TP63: variants seen among roughly 807,000 people sequenced by gnomAD.
The protein encoded by TP63 is tumor protein 63.
TP63 carries 17 observed loss-of-function variants against 82.8 expected under a neutral mutation model. The ratio of observed to expected loss-of-function variants is 0.21; its 90% CI spans 0.14 to 0.31. The LOEUF (loss-of-function observed/expected upper bound fraction) is 0.31. Among genes scored for constraint, TP63 ranks in the 10% least tolerant of loss-of-function variants. TP63 has a pLI of 1.00. For synonymous variants in TP63, 330 were observed against 321.7 expected, an observed-to-expected ratio of 1.03 and a Z score of -0.28; for missense variants, 648 against 895.3, an observed-to-expected ratio of 0.72 and a Z score of 3.52.
chr3:189,646,278 G>C lies in TP63; in HGVS notation c.62+14701G>C, dbSNP rs1560081783. On this transcript the variant is annotated intron_variant, in intron 1 of 13. Transcript: ENST00000264731. ...AAAACCTGACCATACAACTGACAAG[G>C]GGAGGGGTTGTCTTGTTAATTTTGG... Among the ~76,000 whole-genome samples the C allele has an allele frequency of 2.7e-5, 4 of 147,022 alleles. 2 individuals carry two copies.
intron 4 of TP63, among the ~76,000 whole-genome samples, chr3:189,820,479 T>C (rs1728688620): frequency 6.6e-6 from 1 of 152,234 alleles, no homozygotes; most frequent in African/African-American, 2.4e-5. Flanking sequence ...TAAGGTTTTA[T>C]AGACTCTTTT....
At chr3:189,844,657 G>GT (rs1168180162) in intron 4 of TP63, among the ~76,000 whole-genome samples, 1 of 152,138 alleles carries the variant, frequency 6.6e-6, no homozygotes, top group African/African-American at 2.4e-5. Context: ...TTTCAAGTGA[G>GT]TTTTTTTGTA....
At chr3:189,778,554 C>T (rs955742846) in intron 3 of TP63, among the ~76,000 whole-genome samples, 2 of 152,130 alleles carry the variant, frequency 1.3e-5, no homozygotes, top group Admixed American at 6.5e-5. Context: ...GAGGATTGTG[C>T]ATGAGTTTTA....
the TP63 span, among the ~76,000 whole-genome samples, chr3:189,622,032 T>G: frequency 6.6e-6 from 1 of 152,232 alleles, no homozygotes; most frequent in Non-Finnish European, 1.5e-5. Flanking sequence ...GGGATTCCCC[T>G]GTAAAGATGC....
intron 3 of TP63, among the ~76,000 whole-genome samples, chr3:189,740,603 G>A (rs1195172228): frequency 2.0e-5 from 3 of 152,140 alleles, no homozygotes; most frequent in East Asian, 1.9e-4. Context: ...GGGTTCAAGC[G>A]ATTCTCCTGC....
intron 1 of TP63, among the ~76,000 whole-genome samples, chr3:189,685,494 C>G (rs528722541): frequency 6.6e-6 from 1 of 152,130 alleles, no homozygotes; most frequent in East Asian, 1.9e-4. Context: ...TGAAGCTTCC[C>G]GCAGCCAGCT....
rs755742200 is a variant in TP63, at chr3:189,645,988, A to C, written c.62+14411A>C. Among the ~76,000 whole-genome samples, 19 of 147,114 alleles carry C rather than the reference A, an allele frequency of 1.3e-4. 2 individuals carry two copies. Among genetic ancestry groups the C allele is most frequent in the Non-Finnish European group, 2.1e-4 (14 of 67,346 alleles). ...ATACAAGTGTCTTTTTCATATAATG[A>C]CTTCTTTTCCTTTGGGTAAGAATCT... On this transcript the variant is annotated intron_variant, in intron 1 of 13. Transcript: ENST00000264731.
At chr3:189,889,087 A>G (rs1367356371) in intron 11 of TP63, among the ~76,000 whole-genome samples, 1 of 152,224 alleles carries the variant, frequency 6.6e-6, no homozygotes, top group African/African-American at 2.4e-5. Flanking sequence ...GAGAATTAGA[A>G]GCAGAGAAAG....
intron 1 of TP63, among the ~76,000 whole-genome samples, chr3:189,701,443 T>G (rs921922972): frequency 6.6e-6 from 1 of 151,044 alleles, no homozygotes; most frequent in Non-Finnish European, 1.5e-5. Flanking sequence ...TCCAACTGAA[T>G]ATGAGAAGCC....
intron 4 of TP63, among the ~76,000 whole-genome samples, chr3:189,837,380 A>G (rs532805342): frequency 1.3e-5 from 2 of 148,764 alleles, no homozygotes; most frequent in Non-Finnish European, 3.0e-5. Context: ...TTAGTTAACT[A>G]TTGAATATAG....
chr3:189,824,032 C>T (rs1729071465), intron 4 of TP63, among the ~76,000 whole-genome samples: 2 of 151,986 alleles, frequency 1.3e-5, no homozygotes, highest in African/African-American at 4.8e-5. Flanking sequence ...GCCTAATAGC[C>T]CCCCAAACCT....
intron 1 of TP63, among the ~76,000 whole-genome samples, chr3:189,665,382 A>G (rs1714295216): frequency 6.6e-6 from 1 of 152,108 alleles, no homozygotes; most frequent in East Asian, 1.9e-4. Flanking sequence ...CCCTACTTCA[A>G]CATTATAATC....
upstream of TP63, chr3:189,631,386 C>T (rs144161362): frequency 6.4e-4 from 988 of 1,549,464 alleles, 13 homozygotes; most frequent in East Asian, 0.02. Context: ...AGTGCCTAAA[C>T]TTCTATGTCT....
intron 10 of TP63, chr3:189,873,612 A>T: frequency 6.1e-6 from 1 of 163,202 alleles, no homozygotes; most frequent in South Asian, 1.6e-4. Flanking sequence ...TTTTGGCATA[A>T]ATCAAGCCAG....
upstream of TP63, among the ~76,000 whole-genome samples, chr3:189,629,741 G>A (rs1391912698): frequency 6.6e-6 from 1 of 152,152 alleles, no homozygotes; most frequent in Non-Finnish European, 1.5e-5. Flanking sequence ...AACTTGAGAA[G>A]CTCTGCACTA....
At chr3:189,754,593 C>T (rs1175624812) in intron 3 of TP63, among the ~76,000 whole-genome samples, 1 of 152,050 alleles carries the variant, frequency 6.6e-6, no homozygotes, top group Non-Finnish European at 1.5e-5. Context: ...TGTGCCTTTT[C>T]CTGGATCAAG....
chr3:189,788,290 C>A (rs1724779917), intron 3 of TP63, among the ~76,000 whole-genome samples: 1 of 151,886 alleles, frequency 6.6e-6, no homozygotes, highest in African/African-American at 2.4e-5. Flanking sequence ...AAGAAGGAAG[C>A]ATTATTACCA....
intron 1 of TP63, among the ~76,000 whole-genome samples, chr3:189,697,699 CTATT>C (rs1450354749): frequency 6.6e-6 from 1 of 151,994 alleles, no homozygotes; most frequent in Non-Finnish European, 1.5e-5. Flanking sequence ...AAACATATCT[CTATT>C]TATTTAGATC....
At chr3:189,840,782 G>T (rs1016069210) in intron 4 of TP63, among the ~76,000 whole-genome samples, 2 of 149,618 alleles carry the variant, frequency 1.3e-5, no homozygotes, top group Admixed American at 1.3e-4. Flanking sequence ...GCTTGAACCC[G>T]GGAGGCAGAG....
Sources: allele counts gnomAD v4.1 joint callset (sites outside exome capture counted in the v4.1 genomes callset), GRCh38; gene constraint gnomAD v4.1.1; transcripts MANE v1.5; gene names NCBI Gene and HGNC (gene_info 2026-07-23, HGNC 2026-07-21).